Variants in CLHC1 observed in about 807,000 individuals in gnomAD.
CLHC1 encodes clathrin heavy chain linker domain-containing protein 1.
CLHC1 carries 72 observed loss-of-function variants against 69.5 expected under a neutral mutation model. That is an observed-to-expected ratio of 1.04 (90% CI 0.86 to 1.26). The LOEUF (loss-of-function observed/expected upper bound fraction) is 1.26. Among genes scored for constraint, CLHC1 ranks in the 50% most tolerant of loss-of-function variants. The pLI, the probability that CLHC1 is intolerant of heterozygous loss-of-function variation, is 0.00. For missense variants in CLHC1, 790 were observed against 679.3 expected (o/e 1.16, Z -1.81); for synonymous variants, 223 against 224.3 (o/e 0.99, Z 0.05).
intron 4 of CLHC1, among the ~76,000 whole-genome samples, chr2:55,217,212 T>C (rs1342673829): frequency 6.7e-6 from 1 of 149,148 alleles, no homozygotes. Context: ...AAAAAGACTA[T>C]AACTGCCCAC....
rs183653711 is a variant in CLHC1 at position 55,201,601 on chromosome 2, T to C, written c.1006+4669A>G. ...TACCAAACATCTAAAAAAGAACTAA[T>C]ACATATCCTACTCAAGCTATTCCAA... On this transcript the variant is annotated intron_variant, in intron 9 of 12. Transcript: ENST00000401408. Among the ~76,000 whole-genome samples the C allele has an allele frequency of 5.9e-5, 9 of 152,224 alleles. No individual in the cohort carries two copies. In the East Asian group the frequency reaches 1.4e-3, roughly 23 times the overall value.
chr2:55,214,042 G>T (rs1673255276), intron 4 of CLHC1, among the ~76,000 whole-genome samples: 1 of 152,058 alleles, frequency 6.6e-6, no homozygotes, highest in Non-Finnish European at 1.5e-5. Flanking sequence ...TGGATGGGGG[G>T]TTCTGGCTAA....
At chr2:55,205,008 C>G (rs968391511) in intron 9 of CLHC1, among the ~76,000 whole-genome samples, 5 of 152,010 alleles carry the variant, frequency 3.3e-5, no homozygotes, top group African/African-American at 1.2e-4. Context: ...TTAAAATGGC[C>G]ATACTGCCCA....
chr2:55,210,641 C>T (rs1280061822), intron 5 of CLHC1, among the ~76,000 whole-genome samples: 7 of 152,314 alleles, frequency 4.6e-5, no homozygotes, highest in African/African-American at 1.4e-4. Flanking sequence ...AGTAACGCCA[C>T]GAGCTTCTGC....
intron 9 of CLHC1, among the ~76,000 whole-genome samples, chr2:55,191,428 G>A (rs1300177108): frequency 1.3e-5 from 2 of 152,076 alleles, no homozygotes; most frequent in Non-Finnish European, 2.9e-5. Context: ...TAGAGACGGG[G>A]TTTCACCATG....
At chr2:55,225,619 A>C (rs1285206180) in intron 2 of CLHC1, 1 of 151,606 alleles carries the variant, frequency 6.6e-6, no homozygotes, top group African/African-American at 2.4e-5. Context: ...TCCTGCCCTC[A>C]CCCCGCACCT....
intron 9 of CLHC1, among the ~76,000 whole-genome samples, chr2:55,187,116 C>CA (rs1397284337): frequency 2.0e-5 from 3 of 150,648 alleles, no homozygotes; most frequent in Non-Finnish European, 3.0e-5. Flanking sequence ...AAAACAACAA[C>CA]AAAAAAATAA....
chr2:55,197,884 A>G (rs1260775310), intron 9 of CLHC1, among the ~76,000 whole-genome samples: 1 of 152,228 alleles, frequency 6.6e-6, no homozygotes, highest in Non-Finnish European at 1.5e-5. Flanking sequence ...CTAGAAAGAC[A>G]AAGATATGTA....
intron 1 of CLHC1, chr2:55,231,809 G>C (rs140513588): frequency 1.6e-4 from 24 of 152,276 alleles, no homozygotes; most frequent in African/African-American, 5.3e-4. Flanking sequence ...TAACCATTCT[G>C]CAGGTTTCTT....
chr2:55,208,858 C>T (rs566795523), intron 7 of CLHC1, 148 bp from the exon 8 acceptor site: 33 of 462,396 alleles, frequency 7.1e-5, no homozygotes, highest in Non-Finnish European at 1.1e-4. Context: ...CTCCCCGTCC[C>T]TTTCCTCTTT....
At position 55,173,068 on chromosome 2, in the gene CLHC1, CT is replaced by C. The variant is rs945749942; in HGVS notation, c.*2721del. The stretch of plus-strand genomic sequence containing the variant: ...CTCACTGGTATGGTAGAAAGAAAAC[CT>C]AATATGAAATCAGAGAAACTTAGTT... On this transcript the variant is annotated 3_prime_UTR_variant, in exon 13 of 13. Transcript: ENST00000401408. Among the ~76,000 whole-genome samples the C allele has an allele frequency of 6.6e-6, 1 of 152,076 alleles. No individual in the cohort carries two copies. The highest frequency in any genetic ancestry group is 2.4e-5 in the African/African-American group (1 of 41,402).
chr2:55,217,253 C>T (rs1010331432), intron 4 of CLHC1, among the ~76,000 whole-genome samples: 3 of 150,066 alleles, frequency 2.0e-5, no homozygotes, highest in African/African-American at 7.4e-5. Context: ...CAGTGGTTCA[C>T]ACCTTTAATC....
At chr2:55,220,048 A>G (rs934370181) in intron 3 of CLHC1, among the ~76,000 whole-genome samples, 11 of 152,102 alleles carry the variant, frequency 7.2e-5, no homozygotes, top group African/African-American at 2.7e-4. Context: ...TAAGTCATCC[A>G]TTTCTAAAAA....
rs561702184 is a variant in CLHC1, at chr2:55,223,343, C to A, written c.-82-850G>T. Among the ~76,000 whole-genome samples, 134 of 152,280 alleles carry A rather than the reference C, an allele frequency of 8.8e-4. 2 individuals carry two copies. In the Middle Eastern group the frequency reaches 0.017, roughly 19 times the overall value. On this transcript the variant is annotated intron_variant, in intron 2 of 12. Coordinates refer to ENST00000401408, the MANE Select transcript of CLHC1 (RefSeq NM_152385.4). Reference sequence around the variant, plus strand: ...GCTAAAATCCATCCCTCAATGATGTCAAAAGTAACAGTATTTTTCAGAGTA... The same window carrying A: ...GCTAAAATCCATCCCTCAATGATGTAAAAAGTAACAGTATTTTTCAGAGTA...
chr2:55,231,195 A>T (rs986941175), intron 1 of CLHC1, among the ~76,000 whole-genome samples: 3 of 150,464 alleles, frequency 2.0e-5, no homozygotes, highest in African/African-American at 7.4e-5. Flanking sequence ...GTTTACAGTG[A>T]GCCGAGACCG....
At chr2:55,219,124 A>G (rs187084407) in intron 3 of CLHC1, among the ~76,000 whole-genome samples, 2 of 152,212 alleles carry the variant, frequency 1.3e-5, no homozygotes, top group Admixed American at 1.3e-4. Flanking sequence ...AATAGAGGTC[A>G]TCAATCTGCG....
chr2:55,206,469 G>T, intron 8 of CLHC1, 93 bp from the exon 9 acceptor site: 1 of 708,030 alleles, frequency 1.4e-6, no homozygotes, highest in Non-Finnish European at 2.4e-6. Flanking sequence ...AAATATAGCG[G>T]CATAACGATA....
Position 55,175,982 on chromosome 2 carries a change from T to C in CLHC1, c.1569A>G (p.Ala523=), listed in dbSNP as rs140938276. 1.4e-4 allele frequency: 227 copies of C among 1,612,366 alleles called. No individual in the cohort carries two copies. The highest frequency in any genetic ancestry group is 1.8e-4 in the Non-Finnish European group (212 of 1,178,796). Residue 523 remains alanine, a synonymous_variant, in exon 13 of 13, where the codon GCA becomes GCG. Transcript: ENST00000401408. ...AATCATTTATCATAAGACTTTCTAC[T>C]GCATCTGTGGGGAAAAAATACAATA... ...LQEINKGGID[A]VESLMINDSF...
At chr2:55,219,678 C>T (rs1343266025) in intron 3 of CLHC1, among the ~76,000 whole-genome samples, 1 of 151,988 alleles carries the variant, frequency 6.6e-6, no homozygotes, top group Non-Finnish European at 1.5e-5. Flanking sequence ...CCTTGGTGGC[C>T]TCTGCAGGCA....
Sources: gnomAD v4.1 joint callset for allele counts (sites outside exome capture counted in the v4.1 genomes callset) on GRCh38, gnomAD v4.1.1 for gene constraint, MANE v1.5 for transcripts, NCBI Gene and HGNC (gene_info 2026-07-23, HGNC 2026-07-21) for gene names.